The following VPS13B variants were observed in gnomAD, a reference collection of about 807,000 sequenced individuals.
The protein encoded by VPS13B is vacuolar protein sorting 13 homolog B.
In VPS13B, 285 loss-of-function variants were observed where a neutral mutation model predicts 426.4. The ratio of observed to expected loss-of-function variants is 0.67; its 90% CI spans 0.61 to 0.74. VPS13B has a LOEUF of 0.74. Ranked by LOEUF, VPS13B falls within the 30% of genes least tolerant of loss-of-function variation. The pLI is 0.00. For synonymous variants in VPS13B, 1,676 were observed against 1,676.4 expected, an observed-to-expected ratio of 1.00 and a Z score of 0.01; for missense variants, 4,537 against 4,782.6, an observed-to-expected ratio of 0.95 and a Z score of 1.51.
intron 44 of VPS13B, among the ~76,000 whole-genome samples, chr8:99,811,241 C>T (rs900606911): frequency 6.6e-6 from 1 of 152,158 alleles, no homozygotes; most frequent in Non-Finnish European, 1.5e-5. Flanking sequence ...AACCAAAAAT[C>T]TTTCACCATT....
intron 3 of VPS13B, among the ~76,000 whole-genome samples, chr8:99,050,856 G>C (rs1035993865): frequency 1.3e-4 from 20 of 151,998 alleles, no homozygotes; most frequent in African/African-American, 2.2e-4. Flanking sequence ...CTGTTCATAT[G>C]CTTTGCCCAC....
At chr8:99,864,700 C>T (rs1817005705) in intron 58 of VPS13B, among the ~76,000 whole-genome samples, 2 of 152,186 alleles carry the variant, frequency 1.3e-5, no homozygotes, top group African/African-American at 2.4e-5. Flanking sequence ...GTTGGCAAAG[C>T]GTTTTCAAAG....
At chr8:99,831,525 A>C (rs1815059638) in intron 51 of VPS13B, among the ~76,000 whole-genome samples, 1 of 152,150 alleles carries the variant, frequency 6.6e-6, no homozygotes, top group Non-Finnish European at 1.5e-5. Context: ...AAATTATGTT[A>C]GATTAATCAA....
At chr8:99,358,853 T>C (rs1181128959) in intron 19 of VPS13B, among the ~76,000 whole-genome samples, 2 of 152,200 alleles carry the variant, frequency 1.3e-5, no homozygotes, top group East Asian at 3.8e-4. Context: ...CTTTTGAAAG[T>C]ACATGCAAAT....
At chr8:99,270,176 T>C (rs1818513563) in intron 17 of VPS13B, among the ~76,000 whole-genome samples, 1 of 116,300 alleles carries the variant, frequency 8.6e-6, no homozygotes, top group Non-Finnish European at 1.8e-5. Context: ...GTCTTGCTCG[T>C]TGCCCAGACT....
intron 39 of VPS13B, among the ~76,000 whole-genome samples, chr8:99,749,357 C>T (rs1383926135): frequency 4.6e-5 from 7 of 151,938 alleles, no homozygotes; most frequent in African/African-American, 1.7e-4. Context: ...ATTTTTGTAT[C>T]CCTTAACCAT....
intron 33 of VPS13B, among the ~76,000 whole-genome samples, chr8:99,624,590 G>A (rs1828522307): frequency 6.6e-6 from 1 of 152,114 alleles, no homozygotes; most frequent in African/African-American, 2.4e-5. Context: ...AGTGCCTTGA[G>A]TCACTGTCCC....
intron 41 of VPS13B, 49 bp downstream of exon 41, chr8:99,777,005 T>C: frequency 6.4e-7 from 1 of 1,572,860 alleles, no homozygotes; most frequent in Non-Finnish European, 8.7e-7. Flanking sequence ...TACTTACCAT[T>C]TTCTCTTGAG....
chr8:99,434,697 A>G (rs1817283708), intron 22 of VPS13B, among the ~76,000 whole-genome samples: 1 of 152,220 alleles, frequency 6.6e-6, no homozygotes, highest in African/African-American at 2.4e-5. Flanking sequence ...TTTTCTGAGC[A>G]TGCCTCTTAT....
At chr8:99,322,265 G>A (rs559991661) in intron 19 of VPS13B, among the ~76,000 whole-genome samples, 2 of 152,238 alleles carry the variant, frequency 1.3e-5, no homozygotes, top group South Asian at 2.1e-4. Context: ...TCATTAAAAT[G>A]TACAAATGCT....
At chr8:99,017,804 T>C (rs1380372121) in intron 2 of VPS13B, among the ~76,000 whole-genome samples, 4 of 152,196 alleles carry the variant, frequency 2.6e-5, no homozygotes, top group Non-Finnish European at 5.9e-5. Context: ...TCATATACAT[T>C]TTAATTTCAA....
chr8:99,824,074 C>T (rs571173354), intron 51 of VPS13B, 96 bp downstream of exon 51: 31 of 1,416,238 alleles, frequency 2.2e-5, no homozygotes, highest in Non-Finnish European at 2.9e-5. Context: ...GAAAAGCTAA[C>T]CCTGAATGTA....
intron 19 of VPS13B, among the ~76,000 whole-genome samples, chr8:99,361,258 T>C (rs1307852448): frequency 6.6e-6 from 1 of 152,214 alleles, no homozygotes; most frequent in African/African-American, 2.4e-5. Flanking sequence ...GAGGAACTGA[T>C]AGGTGTTCAG....
chr8:99,590,146 T>C (rs1826544278), intron 33 of VPS13B, among the ~76,000 whole-genome samples: 2 of 152,194 alleles, frequency 1.3e-5, no homozygotes, highest in Admixed American at 1.3e-4. Flanking sequence ...TAGTATGCTG[T>C]CATGGTGGTT....
chr8:99,020,149 G>A (rs1054211250), intron 2 of VPS13B, among the ~76,000 whole-genome samples: 9 of 71,322 alleles, frequency 1.3e-4, no homozygotes, highest in African/African-American at 2.2e-4. Flanking sequence ...GTTGTTTTAC[G>A]TGTTTTTTTT....
At chr8:99,193,165 A>G (rs1220746717) in intron 17 of VPS13B, 108 bp downstream of exon 17, 7 of 1,125,824 alleles carry the variant, frequency 6.2e-6, no homozygotes, top group African/African-American at 3.1e-5. Flanking sequence ...AAATTGTAAT[A>G]TGTTTCTTTG....
chr8:99,271,845 T>C (rs1818626365), intron 17 of VPS13B, among the ~76,000 whole-genome samples: 1 of 152,208 alleles, frequency 6.6e-6, no homozygotes, highest in Non-Finnish European at 1.5e-5. Context: ...ATAATCCAGT[T>C]ACTTCCCACC....
intron 19 of VPS13B, among the ~76,000 whole-genome samples, chr8:99,300,116 A>G (rs1588223185): frequency 6.6e-6 from 1 of 152,132 alleles, no homozygotes. Context: ...ATTCTTGCCC[A>G]TAGCTGTCTT....
At chr8:99,826,964 C>T (rs529317823) in intron 51 of VPS13B, among the ~76,000 whole-genome samples, 34 of 152,092 alleles carry the variant, frequency 2.2e-4, no homozygotes, top group Non-Finnish European at 4.0e-4. Context: ...CTGCTGGATT[C>T]GGTTTGCCAG....
Sources: gnomAD v4.1 joint callset for allele counts (sites outside exome capture counted in the v4.1 genomes callset) on GRCh38, gnomAD v4.1.1 for gene constraint, MANE v1.5 for transcripts, NCBI Gene and HGNC (gene_info 2026-07-23, HGNC 2026-07-21) for gene names.